Variants in LHPP observed in about 807,000 individuals in gnomAD.
LHPP encodes phospholysine phosphohistidine inorganic pyrophosphate phosphatase, also known as hLHPP.
In LHPP, 24 loss-of-function variants were observed where a neutral mutation model predicts 30.3. The ratio of observed to expected loss-of-function variants is 0.79; its 90% CI spans 0.57 to 1.11. The LOEUF (loss-of-function observed/expected upper bound fraction) is 1.11, where lower values mean the gene tolerates loss of function less well. Ranked by LOEUF, LHPP falls within the 50% of genes most tolerant of loss-of-function variation. The pLI is 0.00. For synonymous variants in LHPP, 150 were observed against 157.1 expected (o/e 0.95, Z 0.34); for missense variants, 356 against 367.2 (o/e 0.97, Z 0.25).
intron 6 of LHPP, among the ~76,000 whole-genome samples, chr10:124,520,518 G>A (rs983257107): frequency 1.3e-5 from 2 of 152,234 alleles, no homozygotes; most frequent in African/African-American, 2.4e-5. Context: ...CCATTGAAGA[G>A]GATGGGACTT....
intron 1 of LHPP, among the ~76,000 whole-genome samples, chr10:124,462,710 T>C (rs1033276863): frequency 1.3e-5 from 2 of 152,280 alleles, no homozygotes; most frequent in African/African-American, 4.8e-5. Flanking sequence ...TTTGTTTTGT[T>C]CTTTTCAGAT....
intron 5 of LHPP, among the ~76,000 whole-genome samples, chr10:124,508,070 G>A (rs1209892193): frequency 6.6e-6 from 1 of 151,956 alleles, no homozygotes; most frequent in African/African-American, 2.4e-5. Context: ...GATTCTCAGG[G>A]CATCAGTCCT....
rs374219005 is a variant in LHPP at position 124,481,024 on chromosome 10, C to CTCAG, written c.126-3103_126-3100dup. On this transcript the variant is annotated intron_variant, in intron 1 of 6. Transcript: ENST00000368842. ...GTAGTGGGTGAGGTCATTTAGACTTCTCAGTCAGTCAGTCATTCAGCAAAT... is the reference window on the plus strand; with the variant it reads ...GTAGTGGGTGAGGTCATTTAGACTTCTCAGTCAGTCAGTCAGTCATTCAGCAAAT... Among the ~76,000 whole-genome samples, 972 of 152,302 alleles carry CTCAG rather than the reference C, an allele frequency of 6.4e-3. 4 individuals are homozygous for CTCAG. The highest frequency in any genetic ancestry group is 0.021 in the African/African-American group (876 of 41,548).
intron 6 of LHPP, among the ~76,000 whole-genome samples, chr10:124,577,901 G>C (rs1172714268): frequency 2.0e-5 from 3 of 152,038 alleles, no homozygotes; most frequent in Non-Finnish European, 2.9e-5. Flanking sequence ...AGCTACCTGA[G>C]GTGAGGTGGG....
At chr10:124,497,650 G>C (rs1953765893) in intron 4 of LHPP, among the ~76,000 whole-genome samples, 1 of 152,248 alleles carries the variant, frequency 6.6e-6, no homozygotes, top group South Asian at 2.1e-4. Context: ...CAGACGAGCA[G>C]ATGGAGCCCT....
chr10:124,603,194 C>G (rs186001169), intron 6 of LHPP, among the ~76,000 whole-genome samples: 2 of 152,330 alleles, frequency 1.3e-5, no homozygotes, highest in East Asian at 3.9e-4. Context: ...CTGTGGGTGT[C>G]TGGCTCACCC....
chr10:124,512,616 CAA>C (rs34808470), intron 5 of LHPP, among the ~76,000 whole-genome samples: 8 of 54,178 alleles, frequency 1.5e-4, no homozygotes, highest in Non-Finnish European at 1.4e-4. Flanking sequence ...GACTCCGTCT[CAA>C]AAAAAAAAAA....
At chr10:124,479,373 T>A (rs917572934) in intron 1 of LHPP, among the ~76,000 whole-genome samples, 3 of 152,208 alleles carry the variant, frequency 2.0e-5, no homozygotes, top group African/African-American at 7.2e-5. Context: ...TTGGAATTCT[T>A]GTACTTCATG....
Position 124,592,601 on chromosome 10 carries a change from C to T in LHPP, c.717-20663C>T, listed in dbSNP as rs1001764810. 2.6e-4 allele frequency among the ~76,000 whole-genome samples: 40 copies of T among 152,230 alleles called. No homozygotes were observed. The highest frequency in any genetic ancestry group is 1.3e-4 in the Non-Finnish European group (9 of 68,026). ...CTCCTGAGGACCACTGAGCCCCAAC[C>T]ACCACCATGCCCATGGCTGGTGCCC... On this transcript the variant is annotated intron_variant, in intron 6 of 6. Transcript: ENST00000368842. The surrounding 1 kb of genome is among the most constrained non-coding windows in gnomAD (Gnocchi z 6.2).
At chr10:124,598,987 A>C in intron 6 of LHPP, among the ~76,000 whole-genome samples, 1 of 132,730 alleles carries the variant, frequency 7.5e-6, no homozygotes, top group Non-Finnish European at 1.6e-5. Flanking sequence ...ATCTCCATCT[A>C]TCCATCTCTG....
chr10:124,477,260 C>T (rs1015400063), intron 1 of LHPP, among the ~76,000 whole-genome samples: 4 of 152,190 alleles, frequency 2.6e-5, no homozygotes, highest in Non-Finnish European at 5.9e-5. Flanking sequence ...GGTGCTGCAC[C>T]TGCATCTCTT....
At position 124,479,068 on chromosome 10, in the gene LHPP, C is replaced by CA. The variant is rs55880798; in HGVS notation, c.126-5054dup. Reference sequence around the variant, plus strand: ...TGGCTGACAGAGTGAGACTCTGTCTCAAAAAAAAAAAAAAAAAGATCCAGT... The same window carrying CA: ...TGGCTGACAGAGTGAGACTCTGTCTCAAAAAAAAAAAAAAAAAAGATCCAGT... On this transcript the variant is annotated intron_variant, in intron 1 of 6. Transcript: ENST00000368842. Among the ~76,000 whole-genome samples the CA allele has an allele frequency of 5.7e-3, 765 of 135,192 alleles. 8 individuals are homozygous for CA. Among genetic ancestry groups the CA allele is most frequent in the Admixed American group, 0.013 (173 of 13,772 alleles). The allele number at this position is 135,192 out of a possible 152,430, so 88.7% of individuals were successfully genotyped here. A position where few individuals can be genotyped will look rare whatever the true frequency, so the allele number is the denominator to read the frequency against.
rs117917548 is a variant in LHPP at position 124,472,171 on chromosome 10, G to A, written c.125+10184G>A. On this transcript the variant is annotated intron_variant, in intron 1 of 6. Coordinates refer to ENST00000368842, the MANE Select transcript of LHPP (RefSeq NM_022126.4). Reference sequence around the variant, plus strand: ...TTACTAAATATACAAAAATCAGCTGGGTGTGGTGTTGTGCGCCTGTAATCC... The same window carrying A: ...TTACTAAATATACAAAAATCAGCTGAGTGTGGTGTTGTGCGCCTGTAATCC... Among the ~76,000 whole-genome samples the A allele has an allele frequency of 2.6e-5, 4 of 151,108 alleles. No individual in the cohort carries two copies. In the East Asian group the frequency reaches 7.7e-4, roughly 29 times the overall value.
In LHPP at chr10:124,523,225, G is replaced by C. The variant is rs1280857642; in HGVS notation, c.716+5954G>C. Among the ~76,000 whole-genome samples, 1 of 152,258 alleles carries C rather than the reference G, an allele frequency of 6.6e-6. No homozygotes were observed. Among genetic ancestry groups the C allele is most frequent in the Non-Finnish European group, 1.5e-5 (1 of 68,046 alleles). On this transcript the variant is annotated intron_variant, in intron 6 of 6. Transcript: ENST00000368842. The surrounding 1 kb of genome is among the most constrained non-coding windows in gnomAD (Gnocchi z 4.2). ...TGACAAACAGTTTGCCCTTCGGAGA[G>C]GGAAAGTTTCCTGGACCGTGATTCC...
In LHPP at chr10:124,464,424, C is replaced by G. The variant is rs573954948; in HGVS notation, c.125+2437C>G. 3.9e-5 allele frequency among the ~76,000 whole-genome samples: 6 copies of G among 152,254 alleles called. No homozygotes were observed. In the East Asian group the frequency reaches 1.2e-3, roughly 29 times the overall value. Reference sequence around the variant, plus strand: ...CTGAGATAATAGGGACCCAAACGGTCCCGCATAGTGAAGCCGGAGGTGTTT... The same window carrying G: ...CTGAGATAATAGGGACCCAAACGGTGCCGCATAGTGAAGCCGGAGGTGTTT... On this transcript the variant is annotated intron_variant, in intron 1 of 6. Transcript: ENST00000368842.
chr10:124,465,924 CA>C (rs2133807353), intron 1 of LHPP, among the ~76,000 whole-genome samples: 1 of 152,310 alleles, frequency 6.6e-6, no homozygotes, highest in South Asian at 2.1e-4. Flanking sequence ...CAAAATTGGC[CA>C]AAATCCAAAA....
At chr10:124,474,432 G>T (rs951515037) in intron 1 of LHPP, among the ~76,000 whole-genome samples, 6 of 152,044 alleles carry the variant, frequency 3.9e-5, no homozygotes, top group Admixed American at 1.3e-4. Context: ...GAACCACCGT[G>T]CCCGGCCATA....
rs560275035 is a variant in LHPP at position 124,534,061 on chromosome 10, G to A, written c.716+16790G>A. Among the ~76,000 whole-genome samples, 4 of 152,030 alleles carry A rather than the reference G, an allele frequency of 2.6e-5. No homozygotes were observed. The South Asian group carries it at 8.3e-4, about 32-fold the overall frequency. On this transcript the variant is annotated intron_variant, in intron 6 of 6. Transcript: ENST00000368842. ...GCGGGGGATGCAGGGGGCCTGGGGT[G>A]GGGAGCTTGGGGGCAGTGGGCCAGG...
At chr10:124,503,354 C>T (rs938322032) in intron 5 of LHPP, among the ~76,000 whole-genome samples, 1 of 152,072 alleles carries the variant, frequency 6.6e-6, no homozygotes. Flanking sequence ...GCATGAGCCA[C>T]CACATCCGGC....
Sources: allele counts gnomAD v4.1 joint callset (sites outside exome capture counted in the v4.1 genomes callset), GRCh38; gene constraint gnomAD v4.1.1; non-coding constraint Gnocchi (gnomAD v3.1); transcripts MANE v1.5; gene names NCBI Gene and HGNC (gene_info 2026-07-23, HGNC 2026-07-21).